The following NFIX variants were observed in gnomAD, a reference collection of about 807,000 sequenced individuals.
NFIX encodes the protein nuclear factor I X.
Under a neutral mutation model 53.3 loss-of-function variants are expected in NFIX, and 2 were observed. The observed-to-expected ratio is 0.04, with a 90% confidence interval of 0.02 to 0.12. The LOEUF (loss-of-function observed/expected upper bound fraction) is 0.12, where lower values mean the gene tolerates loss of function less well. Among genes scored for constraint, NFIX ranks in the 10% least tolerant of loss-of-function variants. NFIX has a pLI of 1.00. For missense variants in NFIX, 310 were observed against 674.5 expected (o/e 0.46, Z 5.99); for synonymous variants, 244 against 289.0 (o/e 0.84, Z 1.58).
At chr19:13,056,232 C>T (rs151335410) in intron 2 of NFIX, among the ~76,000 whole-genome samples, 34 of 152,324 alleles carry the variant, frequency 2.2e-4, no homozygotes, top group South Asian at 1.0e-3. Context: ...GCCCCCCCAC[C>T]GCCCCGTTCT....
At position 13,088,944 on chromosome 19, in the gene NFIX, G is replaced by A. The variant is rs901513588; in HGVS notation, c.1402+808G>A. On this transcript the variant is annotated intron_variant, in intron 9 of 10. Transcript: ENST00000592199. This position sits in a 1 kb window ranked among gnomAD's most constrained non-coding sequence, Gnocchi z 5.9. ...AGGTCCCAGGTAGACCCGGCGTGAA[G>A]GACAGGAGGATGGGGCGGGTGCTGT... 6.6e-6 allele frequency among the ~76,000 whole-genome samples: 1 copy of A among 152,034 alleles called. No homozygotes were observed. Among genetic ancestry groups the A allele is most frequent in the African/African-American group, 2.4e-5 (1 of 41,378 alleles).
chr19:13,017,155 C>T (rs1400908717), intron 1 of NFIX, among the ~76,000 whole-genome samples: 9 of 151,938 alleles, frequency 5.9e-5, no homozygotes, highest in African/African-American at 2.2e-4. Context: ...AGCTGAAGGA[C>T]GCAGAGGGGG....
Position 13,096,498 on chromosome 19 carries a change from G to GC in NFIX, c.*1852dup, listed in dbSNP as rs2018468633. On this transcript the variant is annotated 3_prime_UTR_variant, in exon 11 of 11. Coordinates refer to ENST00000592199, the MANE Select transcript of NFIX (RefSeq NM_001365902.3). ...CGGCTTTTGTTGGAAGTTGAGTGAA[G>GC]CCCTCCCCCTGTCCTCAGCGTGCAG... is the stretch of plus-strand genomic sequence containing the variant. 1 of 151,880 alleles carries GC rather than the reference G, an allele frequency of 6.6e-6. No individual in the cohort carries two copies. The highest frequency in any genetic ancestry group is 6.6e-5 in the Admixed American group (1 of 15,250). 9.4% of individuals were successfully genotyped at this position (151,880 alleles called of 1,614,324 possible).
chr19:13,032,280 G>A (rs1278706866), intron 2 of NFIX, among the ~76,000 whole-genome samples: 1 of 152,206 alleles, frequency 6.6e-6, no homozygotes, highest in Non-Finnish European at 1.5e-5. Context: ...GCTAGTGTAG[G>A]AGTGGAGGGT....
chr19:13,029,897 G>C (rs1234353676), intron 2 of NFIX, among the ~76,000 whole-genome samples: 3 of 152,206 alleles, frequency 2.0e-5, no homozygotes. Context: ...CTTGGCGGTG[G>C]AGGGCATTGT....
rs2014949480 is a variant in NFIX, at chr19:13,045,837, G to A, written c.559+20285G>A. On this transcript the variant is annotated intron_variant, in intron 2 of 10. Coordinates refer to ENST00000592199, the MANE Select transcript of NFIX (RefSeq NM_001365902.3). This position sits in a 1 kb window ranked among gnomAD's most constrained non-coding sequence, Gnocchi z 4.4. ...CTCTTGCCCACCTCTCCATGTCCTC[G>A]TTGCCGACTGAGGCACCTGGGAGTG... is the stretch of plus-strand genomic sequence containing the variant. 2.0e-5 allele frequency among the ~76,000 whole-genome samples: 3 copies of A among 152,150 alleles called. No individual in the cohort carries two copies. Among genetic ancestry groups the A allele is most frequent in the South Asian group, 2.1e-4 (1 of 4,832 alleles).
At chr19:12,997,676 C>T (rs2145122320) in intron 1 of NFIX, among the ~76,000 whole-genome samples, 1 of 152,372 alleles carries the variant, frequency 6.6e-6, no homozygotes, top group African/African-American at 2.4e-5. Flanking sequence ...GCCCACCAGG[C>T]TGCCAGCCCG....
At chr19:13,033,943 A>T (rs928548903) in intron 2 of NFIX, among the ~76,000 whole-genome samples, 7 of 152,222 alleles carry the variant, frequency 4.6e-5, no homozygotes, top group East Asian at 1.9e-4. Flanking sequence ...CCCTCCTCAC[A>T]ATGGTTGAGT....
At chr19:13,071,578 A>T (rs1178986284) in intron 2 of NFIX, among the ~76,000 whole-genome samples, 1 of 152,224 alleles carries the variant, frequency 6.6e-6, no homozygotes, top group African/African-American at 2.4e-5. Flanking sequence ...TTCCATATTA[A>T]AAGCACTTGT....
Position 13,068,497 on chromosome 19 carries a change from T to A in NFIX, c.560-4550T>A, listed in dbSNP as rs1028646927. ...ACTTTGTGGCTGTTCCAGAGGTTAC[T>A]GAGGGGCCCCCAAGGAAGAGAGGGG... On this transcript the variant is annotated intron_variant, in intron 2 of 10. Coordinates refer to ENST00000592199, the MANE Select transcript of NFIX (RefSeq NM_001365902.3). This position sits in a 1 kb window ranked among gnomAD's most constrained non-coding sequence, Gnocchi z 4.2. Among the ~76,000 whole-genome samples, 2 of 152,196 alleles carry A rather than the reference T, an allele frequency of 1.3e-5. No homozygotes were observed. Among genetic ancestry groups the A allele is most frequent in the African/African-American group, 2.4e-5 (1 of 41,444 alleles).
At chr19:13,064,825 G>A (rs2016303929) in intron 2 of NFIX, among the ~76,000 whole-genome samples, 2 of 152,216 alleles carry the variant, frequency 1.3e-5, no homozygotes, top group South Asian at 2.1e-4. Flanking sequence ...AGCAAATGGA[G>A]ATGAAGGGAA....
intron 10 of NFIX, among the ~76,000 whole-genome samples, chr19:13,091,770 C>T (rs962328943): frequency 1.3e-5 from 2 of 152,234 alleles, no homozygotes; most frequent in Non-Finnish European, 2.9e-5. Flanking sequence ...CTTCAGGGTT[C>T]CATCGCTCCC....
At position 13,078,758 on chromosome 19, in the gene NFIX, G is replaced by C; in HGVS notation, c.1078+23G>C. On this transcript the variant is annotated intron_variant, in intron 7 of 10. Transcript: ENST00000592199. This position sits in a 1 kb window ranked among gnomAD's most constrained non-coding sequence, Gnocchi z 4.7. The stretch of plus-strand genomic sequence containing the variant: ...CAGGTGAGAAATGGGGGGCCCCGGA[G>C]GGGGGCAGTTGGGGAGGTGGCTGAG... The C allele has an allele frequency of 6.3e-7, 1 of 1,583,770 alleles. No homozygotes were observed. Among genetic ancestry groups the C allele is most frequent in the Non-Finnish European group, 8.6e-7 (1 of 1,167,848 alleles).
At chr19:13,042,877 T>C (rs2014734216) in intron 2 of NFIX, among the ~76,000 whole-genome samples, 1 of 152,160 alleles carries the variant, frequency 6.6e-6, no homozygotes, top group African/African-American at 2.4e-5. Flanking sequence ...GCAAAAGGTA[T>C]GGACTCTCTT....
Position 13,012,965 on chromosome 19 carries a change from C to T in NFIX, c.28-12056C>T, listed in dbSNP as rs1340353186. Among the ~76,000 whole-genome samples the T allele has an allele frequency of 2.0e-5, 3 of 152,034 alleles. No homozygotes were observed. The highest frequency in any genetic ancestry group is 2.4e-5 in the African/African-American group (1 of 41,392). ...TTGGCTGGGTTTGGGGGATTTTGTC[C>T]TCCAGCGAGCGCGGGGAAGAAATGT... On this transcript the variant is annotated intron_variant, in intron 1 of 10. Transcript: ENST00000592199. This position sits in a 1 kb window ranked among gnomAD's most constrained non-coding sequence, Gnocchi z 5.0.
intron 2 of NFIX, among the ~76,000 whole-genome samples, chr19:13,065,250 G>T (rs2016331541): frequency 6.6e-6 from 1 of 152,196 alleles, no homozygotes. Context: ...TAGGCCAAGG[G>T]CAGGCTCAGA....
chr19:12,999,736 G>A (rs1366080270), intron 1 of NFIX, among the ~76,000 whole-genome samples: 1 of 152,224 alleles, frequency 6.6e-6, no homozygotes, highest in South Asian at 2.1e-4. Context: ...TTCCATGGGA[G>A]GGGGATGGCT....
chr19:12,999,504 AC>A (rs2011598329), intron 1 of NFIX, among the ~76,000 whole-genome samples: 3 of 148,646 alleles, frequency 2.0e-5, no homozygotes, highest in African/African-American at 7.9e-5. Context: ...ACACACACAC[AC>A]ACACACACAC....
intron 8 of NFIX, among the ~76,000 whole-genome samples, chr19:13,083,563 G>A (rs1233521486): frequency 1.3e-5 from 2 of 152,282 alleles, no homozygotes; most frequent in East Asian, 1.9e-4. Flanking sequence ...TTAAAAAAAC[G>A]ACAGAGGACT....
Sources: gnomAD v4.1 joint callset for allele counts (sites outside exome capture counted in the v4.1 genomes callset) on GRCh38, gnomAD v4.1.1 for gene constraint, Gnocchi (gnomAD v3.1) non-coding constraint, MANE v1.5 for transcripts, NCBI Gene and HGNC (gene_info 2026-07-23, HGNC 2026-07-21) for gene names.